MICALL1: variants seen among roughly 807,000 people sequenced by gnomAD.
MICALL1 encodes the protein MICAL like 1.
In MICALL1, 61 loss-of-function variants were observed where a neutral mutation model predicts 83.7. That is an observed-to-expected ratio of 0.73 (90% confidence interval 0.59 to 0.90). MICALL1 has a LOEUF of 0.90. Among genes scored for constraint, MICALL1 ranks in the 40% least tolerant of loss-of-function variants. The probability of loss-of-function intolerance (pLI) is 0.00; values close to 1 mark genes in which losing one functional copy is unlikely to be tolerated. For synonymous variants in MICALL1, 481 were observed against 473.6 expected (o/e 1.02, Z -0.20); for missense variants, 1,066 against 1,152.0 (o/e 0.93, Z 1.08).
Position 37,927,713 on chromosome 22 carries a change from G to A in MICALL1, c.1768G>A (p.Gly590Ser). ...TGCCCCCAGGACCAGGGGCAGCTCAGGTCCCCAGCCAGCCAAGCCCTGCAG... is the reference window on the plus strand; with the variant it reads ...TGCCCCCAGGACCAGGGGCAGCTCAAGTCCCCAGCCAGCCAAGCCCTGCAG... The part of the protein sequence containing the change: ...GLAPRTRGSS[G>S]PQPAKPCSGA... The change falls in exon 9 of 16, where the codon GGT becomes AGT. Residue 590 changes from glycine (G) to serine (S), a missense_variant. Gly to Ser is a moderately conservative substitution (Grantham distance 56). Transcript: ENST00000215957. 6.2e-7 allele frequency: 1 copy of A among 1,614,038 alleles called. No individual in the cohort carries two copies. Among genetic ancestry groups the A allele is most frequent in the Non-Finnish European group, 8.5e-7 (1 of 1,180,018 alleles).
At chr22:37,931,373 CTT>C (rs1350769903) in intron 9 of MICALL1, among the ~76,000 whole-genome samples, 3 of 149,706 alleles carry the variant, frequency 2.0e-5, no homozygotes, top group Non-Finnish European at 4.4e-5. Flanking sequence ...GAGAACCTGT[CTT>C]TACAAAAAAA....
At chr22:37,918,204 C>T (rs189313601) in intron 4 of MICALL1, among the ~76,000 whole-genome samples, 5 of 152,332 alleles carry the variant, frequency 3.3e-5, no homozygotes, top group African/African-American at 9.6e-5. Flanking sequence ...TTCCTTTAAT[C>T]CTCTCAACAA....
chr22:37,908,770 T>G (rs1928128594), intron 1 of MICALL1, among the ~76,000 whole-genome samples: 1 of 152,184 alleles, frequency 6.6e-6, no homozygotes, highest in African/African-American at 2.4e-5. Context: ...GGCAATTCCA[T>G]GTACCCTATC....
chr22:37,933,835 T>C (rs1291099329), intron 13 of MICALL1, among the ~76,000 whole-genome samples: 1 of 151,990 alleles, frequency 6.6e-6, no homozygotes, highest in African/African-American at 2.4e-5. Flanking sequence ...GCCAGAGAGG[T>C]CAAGGGACTT....
At chr22:37,927,182 G>A (rs1929497553) in intron 8 of MICALL1, 1 of 520,078 alleles carries the variant, frequency 1.9e-6, no homozygotes, top group Non-Finnish European at 3.4e-6. Context: ...GGAAGTGGAG[G>A]CAGCAGGCAG....
At chr22:37,928,331 C>T (rs1031489694) in intron 9 of MICALL1, among the ~76,000 whole-genome samples, 5 of 152,012 alleles carry the variant, frequency 3.3e-5, no homozygotes, top group East Asian at 1.9e-4. Flanking sequence ...CTCAGTCTCC[C>T]GAGTAGCTGG....
At chr22:37,912,668 T>C (rs1928408820) in intron 3 of MICALL1, among the ~76,000 whole-genome samples, 176 bp downstream of exon 3, 2 of 152,102 alleles carry the variant, frequency 1.3e-5, no homozygotes, top group Admixed American at 1.3e-4. Context: ...AGACAGAGTT[T>C]CGCTCTTTTT....
intron 3 of MICALL1, among the ~76,000 whole-genome samples, chr22:37,914,649 T>C (rs1928563891): frequency 6.6e-6 from 1 of 151,944 alleles, no homozygotes; most frequent in Non-Finnish European, 1.5e-5. Context: ...ATGTGTATTT[T>C]TTTTGAGACA....
chr22:37,909,041 T>C (rs774260776), intron 1 of MICALL1, among the ~76,000 whole-genome samples: 5 of 151,272 alleles, frequency 3.3e-5, no homozygotes, highest in Admixed American at 6.6e-5. Flanking sequence ...CAGGGAACCA[T>C]GCAGGGTTTT....
chr22:37,916,228 C>T (rs909505834), intron 3 of MICALL1, among the ~76,000 whole-genome samples: 1 of 152,232 alleles, frequency 6.6e-6, no homozygotes, highest in Non-Finnish European at 1.5e-5. Context: ...CCTCGCCCTG[C>T]AGGGATTCTC....
At chr22:37,910,104 G>A (rs1392096661) in intron 1 of MICALL1, among the ~76,000 whole-genome samples, 2 of 152,182 alleles carry the variant, frequency 1.3e-5, no homozygotes, top group Non-Finnish European at 1.5e-5. Flanking sequence ...GTAGAACTCC[G>A]CAGGCCTCTG....
chr22:37,941,275 G>T lies in MICALL1; in HGVS notation c.*445G>T. Reference sequence around the variant, plus strand: ...CTGGCTTCTTCCTGCCCCATCCCTGGCTCTGAGTCTCTGTCTTCCTGTCCT... The same window carrying T: ...CTGGCTTCTTCCTGCCCCATCCCTGTCTCTGAGTCTCTGTCTTCCTGTCCT... On this transcript the variant is annotated 3_prime_UTR_variant, in exon 16 of 16. Transcript: ENST00000215957. 5.9e-6 allele frequency: 1 copy of T among 169,612 alleles called. No homozygotes were observed. The allele number at this position is 169,612 out of a possible 1,614,324, so 10.5% of individuals were successfully genotyped here.
chr22:37,926,690 T>C (rs1929464261), intron 8 of MICALL1: 1 of 152,850 alleles, frequency 6.5e-6, no homozygotes, highest in Non-Finnish European at 1.5e-5. Flanking sequence ...TGGCTGGGTC[T>C]GGCCGCCTCT....
intron 9 of MICALL1, among the ~76,000 whole-genome samples, chr22:37,929,355 A>G (rs1365040426): frequency 6.6e-6 from 1 of 152,048 alleles, no homozygotes; most frequent in Admixed American, 6.6e-5. Context: ...CCTGTCCCCA[A>G]GGCGCTCCCA....
At chr22:37,917,406 C>T (rs917940935) in intron 3 of MICALL1, among the ~76,000 whole-genome samples, 20 of 152,308 alleles carry the variant, frequency 1.3e-4, no homozygotes, top group African/African-American at 4.1e-4. Context: ...TGTAGCCACA[C>T]GCGGGTGCTG....
At chr22:37,920,798 C>T (rs1261629718) in intron 5 of MICALL1, among the ~76,000 whole-genome samples, 1 of 151,882 alleles carries the variant, frequency 6.6e-6, no homozygotes, top group Non-Finnish European at 1.5e-5. Flanking sequence ...TGGTGGCAGG[C>T]GCCTGTAGTC....
intron 3 of MICALL1, among the ~76,000 whole-genome samples, chr22:37,916,365 T>C (rs146240579): frequency 3.9e-4 from 60 of 152,356 alleles, no homozygotes; most frequent in African/African-American, 1.4e-3. Context: ...AAGGTACAGT[T>C]TGTGCCTTTC....
At chr22:37,934,920 A>T (rs1191305631) in intron 13 of MICALL1, among the ~76,000 whole-genome samples, 1 of 141,148 alleles carries the variant, frequency 7.1e-6, no homozygotes, top group Non-Finnish European at 1.5e-5. Flanking sequence ...ATTTTATTTT[A>T]TTTATTTATT....
intron 9 of MICALL1, among the ~76,000 whole-genome samples, chr22:37,929,179 A>G (rs1318907395): frequency 6.6e-6 from 1 of 152,078 alleles, no homozygotes; most frequent in Non-Finnish European, 1.5e-5. Context: ...GATAGGCATA[A>G]TGGGCATTTT....
Sources: gnomAD v4.1 joint callset for allele counts (sites outside exome capture counted in the v4.1 genomes callset) on GRCh38, gnomAD v4.1.1 for gene constraint, MANE v1.5 for transcripts, NCBI Gene and HGNC (gene_info 2026-07-23, HGNC 2026-07-21) for gene names.